ASTN2: variants seen among roughly 807,000 people sequenced by gnomAD.
The protein encoded by ASTN2 is astrotactin-2.
A neutral mutation model predicts 139.8 loss-of-function variants in ASTN2; 54 were observed. That is an observed-to-expected ratio of 0.39 (90% confidence interval 0.31 to 0.48). The LOEUF is 0.48. ASTN2 is among the 20% of genes least tolerant of loss of function. The pLI is 0.95. For synonymous variants in ASTN2, 756 were observed against 719.5 expected (o/e 1.05, Z -0.81); for missense variants, 1,565 against 1,725.1 (o/e 0.91, Z 1.64).
rs114386316 is a variant in ASTN2, at chr9:117,411,094, T to C, written c.442+3403A>G. Among the ~76,000 whole-genome samples, 572 of 152,272 alleles carry C rather than the reference T, an allele frequency of 3.8e-3. 5 individuals are homozygous for C. Among genetic ancestry groups the C allele is most frequent in the African/African-American group, 0.011 (477 of 41,546 alleles). The stretch of plus-strand genomic sequence containing the variant: ...CAGGATTCCAGTTCCAGGTCTGCCA[T>C]TGATTCCTGGCATGACTTTGGATTA... On this transcript the variant is annotated intron_variant, in intron 1 of 22. Coordinates refer to ENST00000313400, the MANE Select transcript of ASTN2 (RefSeq NM_001365068.1).
chr9:117,285,633 T>C (rs1834430617), intron 2 of ASTN2, among the ~76,000 whole-genome samples: 1 of 152,118 alleles, frequency 6.6e-6, no homozygotes, highest in Admixed American at 6.6e-5. Context: ...ACTACAATAG[T>C]CATCTAATTT....
chr9:117,390,175 A>AT (rs928012855), intron 1 of ASTN2, among the ~76,000 whole-genome samples: 3 of 152,214 alleles, frequency 2.0e-5, no homozygotes, highest in Admixed American at 1.3e-4. Flanking sequence ...ATATACAGAT[A>AT]TTTTTTAAAT....
chr9:117,175,909 T>C (rs1334470367), intron 3 of ASTN2, among the ~76,000 whole-genome samples: 1 of 152,052 alleles, frequency 6.6e-6, no homozygotes, highest in Non-Finnish European at 1.5e-5. Flanking sequence ...GAAATGATTT[T>C]CTTAACAAAA....
chr9:117,257,821 G>A (rs868538462), intron 2 of ASTN2, among the ~76,000 whole-genome samples: 2 of 152,306 alleles, frequency 1.3e-5, no homozygotes, highest in African/African-American at 2.4e-5. Flanking sequence ...AAAGGAAATC[G>A]GAGAAAAGAA....
chr9:116,512,994 A>G (rs1377680932), intron 19 of ASTN2, among the ~76,000 whole-genome samples: 1 of 152,156 alleles, frequency 6.6e-6, no homozygotes, highest in Non-Finnish European at 1.5e-5. Flanking sequence ...CATTTAGCCC[A>G]TTTACATTTA....
At chr9:116,709,547 G>A (rs1387015066) in intron 16 of ASTN2, among the ~76,000 whole-genome samples, 2 of 152,094 alleles carry the variant, frequency 1.3e-5, no homozygotes, top group African/African-American at 4.8e-5. Context: ...ATAGACTGTT[G>A]AACCACTGCC....
intron 5 of ASTN2, among the ~76,000 whole-genome samples, chr9:117,047,279 CACT>C (rs1838775037): frequency 6.6e-6 from 1 of 152,190 alleles, no homozygotes. Context: ...GGTTTCCATG[CACT>C]GCTTTAGTGT....
At chr9:116,976,064 G>A (rs1836333065) in intron 9 of ASTN2, 50 bp downstream of exon 9, 5 of 1,558,420 alleles carry the variant, frequency 3.2e-6, no homozygotes, top group Non-Finnish European at 4.4e-6. Flanking sequence ...CTTCCTATCA[G>A]TCCTTTCTCC....
At chr9:117,275,561 C>A (rs989541220) in intron 2 of ASTN2, among the ~76,000 whole-genome samples, 1 of 129,854 alleles carries the variant, frequency 7.7e-6, no homozygotes, top group Non-Finnish European at 1.6e-5. Flanking sequence ...TTTATCTCTC[C>A]CTCTTTTTTT....
rs55954354 is a variant in ASTN2, at chr9:116,815,804, CAAAAAAAAA to C, written c.2207+4804_2207+4812del. 7.4e-3 allele frequency among the ~76,000 whole-genome samples: 179 copies of C among 24,106 alleles called. 4 individuals are homozygous for C. The highest frequency in any genetic ancestry group is 0.031 in the African/African-American group (171 of 5,480). 15.8% of individuals were successfully genotyped at this position (24,106 alleles called of 152,430 possible). A position where few individuals can be genotyped will look rare whatever the true frequency, so the allele number is the denominator to read the frequency against. The stretch of plus-strand genomic sequence containing the variant: ...TGGGCAACAGAGCGAGACTCCGTCT[CAAAAAAAAA>C]AAAAAAAAAAAAAAAGTTGATGAAA... On this transcript the variant is annotated intron_variant, in intron 12 of 22. Coordinates refer to ENST00000313400, the MANE Select transcript of ASTN2 (RefSeq NM_001365068.1).
At chr9:116,496,729 G>C (rs775238365) in intron 19 of ASTN2, among the ~76,000 whole-genome samples, 1 of 152,220 alleles carries the variant, frequency 6.6e-6, no homozygotes, top group African/African-American at 2.4e-5. Flanking sequence ...TGAACTCACA[G>C]TTCCACATGG....
intron 16 of ASTN2, chr9:116,701,188 T>G (rs1475493871): frequency 1.2e-5 from 2 of 167,106 alleles, no homozygotes; most frequent in Non-Finnish European, 2.9e-5. Context: ...TAAACAAAAT[T>G]TGCTAAACTG....
intron 19 of ASTN2, among the ~76,000 whole-genome samples, chr9:116,560,401 T>C (rs889482802): frequency 6.6e-6 from 1 of 152,158 alleles, no homozygotes; most frequent in African/African-American, 2.4e-5. Context: ...CAGATTTCCA[T>C]TATATTTAGA....
Position 117,414,393 on chromosome 9 carries a change from G to A in ASTN2, c.442+104C>T. 1 of 1,525,472 alleles carries A rather than the reference G, an allele frequency of 6.6e-7. No individual in the cohort carries two copies. 94.5% of individuals were successfully genotyped at this position (1,525,472 alleles called of 1,614,324 possible). ...CCTCTACCCTCTGCCAACCCCACTC[G>A]GGGCAGCCCCGGGCAGGGATCCCCA... On this transcript the variant is annotated intron_variant, in intron 1 of 22. Coordinates refer to ENST00000313400, the MANE Select transcript of ASTN2 (RefSeq NM_001365068.1). This position sits in a 1 kb window ranked among gnomAD's most constrained non-coding sequence, Gnocchi z 4.2.
intron 11 of ASTN2, among the ~76,000 whole-genome samples, chr9:116,825,124 T>G (rs911373837): frequency 2.0e-5 from 3 of 152,204 alleles, no homozygotes; most frequent in Non-Finnish European, 4.4e-5. Context: ...TATTTGGGAC[T>G]GTTTTCTTTC....
intron 17 of ASTN2, among the ~76,000 whole-genome samples, chr9:116,635,399 T>A (rs1392664471): frequency 6.6e-6 from 1 of 152,182 alleles, no homozygotes; most frequent in Admixed American, 6.5e-5. Context: ...ACCTCTAAAA[T>A]ATCAAAATCT....
In ASTN2 at chr9:116,698,123, C is replaced by T; in HGVS notation, c.2806+27648G>A. The T allele has an allele frequency of 6.2e-7, 1 of 1,614,136 alleles. No individual in the cohort carries two copies. The highest frequency in any genetic ancestry group is 8.5e-7 in the Non-Finnish European group (1 of 1,180,046). ...TATGTGAGCCCTGCCGGGAGGCAGA[C>T]CATCAGCCTCCTGGCCACTGTACAC... is the stretch of plus-strand genomic sequence containing the variant. On this transcript the variant is annotated intron_variant, in intron 16 of 22. Coordinates refer to ENST00000313400, the MANE Select transcript of ASTN2 (RefSeq NM_001365068.1). The surrounding 1 kb of genome is among the most constrained non-coding windows in gnomAD (Gnocchi z 4.4).
At chr9:116,723,034 G>A (rs1296360847) in intron 16 of ASTN2, among the ~76,000 whole-genome samples, 6 of 152,030 alleles carry the variant, frequency 3.9e-5, no homozygotes, top group African/African-American at 1.2e-4. Context: ...GCATGGTGGC[G>A]GGCGCCTGTA....
At chr9:117,354,993 T>C (rs1829497125) in intron 1 of ASTN2, among the ~76,000 whole-genome samples, 1 of 152,248 alleles carries the variant, frequency 6.6e-6, no homozygotes, top group Non-Finnish European at 1.5e-5. Context: ...TTCTCCACTA[T>C]ATTTTAAGCT....
Sources: gnomAD v4.1 joint callset for allele counts (sites outside exome capture counted in the v4.1 genomes callset) on GRCh38, gnomAD v4.1.1 for gene constraint, Gnocchi (gnomAD v3.1) non-coding constraint, MANE v1.5 for transcripts, NCBI Gene and HGNC (gene_info 2026-07-23, HGNC 2026-07-21) for gene names.